Variants in MYT1L observed in about 807,000 individuals in gnomAD.
MYT1L encodes the protein myelin transcription factor 1 like.
A neutral mutation model predicts 126.7 loss-of-function variants in MYT1L; 12 were observed. That is an observed-to-expected ratio of 0.09 (90% CI 0.06 to 0.15). MYT1L has a LOEUF of 0.15. MYT1L is among the 10% of genes least tolerant of loss of function. MYT1L has a pLI of 1.00. For missense variants in MYT1L, 979 were observed against 1,585.2 expected (o/e 0.62, Z 6.49); for synonymous variants, 541 against 604.2 (o/e 0.90, Z 1.53).
intron 2 of MYT1L, among the ~76,000 whole-genome samples, chr2:2,279,785 C>A (rs752661723): frequency 1.3e-5 from 2 of 152,142 alleles, no homozygotes; most frequent in Non-Finnish European, 2.9e-5. Flanking sequence ...TTAATGTATA[C>A]CCTCAAGCGG....
intron 5 of MYT1L, among the ~76,000 whole-genome samples, chr2:1,987,793 G>A (rs1332064823): frequency 6.6e-6 from 1 of 152,206 alleles, no homozygotes; most frequent in Non-Finnish European, 1.5e-5. Flanking sequence ...TCTGGGGTAT[G>A]TAATTGTTAC....
At chr2:1,795,326 G>C (rs1276277174) in intron 23 of MYT1L, among the ~76,000 whole-genome samples, 1 of 152,256 alleles carries the variant, frequency 6.6e-6, no homozygotes, top group Non-Finnish European at 1.5e-5. Context: ...GGGGCCCAGA[G>C]TAAAGGGGAG....
At position 1,910,530 on chromosome 2, in the gene MYT1L, T is replaced by A. The variant is rs1015925362; in HGVS notation, c.1710-183A>T. Among the ~76,000 whole-genome samples the A allele has an allele frequency of 6.6e-6, 1 of 152,088 alleles. No individual in the cohort carries two copies. The highest frequency in any genetic ancestry group is 1.5e-5 in the Non-Finnish European group (1 of 68,028). ...AGGGGGAGGTAGTCATGTTTCCAGG[T>A]GCATGCTTTCTGCTGGTCTCCAGCA... is the stretch of plus-strand genomic sequence containing the variant. On this transcript the variant is annotated intron_variant, in intron 12 of 24. Coordinates refer to ENST00000647738, the MANE Select transcript of MYT1L (RefSeq NM_001303052.2). The surrounding 1 kb of genome is among the most constrained non-coding windows in gnomAD (Gnocchi z 4.8).
At chr2:2,164,966 C>T (rs923350079) in intron 3 of MYT1L, among the ~76,000 whole-genome samples, 6 of 152,168 alleles carry the variant, frequency 3.9e-5, no homozygotes, top group African/African-American at 1.4e-4. Flanking sequence ...CCAATAAACA[C>T]TTTGGCTTAG....
intron 3 of MYT1L, among the ~76,000 whole-genome samples, chr2:2,144,191 G>C (rs1310928110): frequency 6.6e-6 from 1 of 152,164 alleles, no homozygotes; most frequent in Non-Finnish European, 1.5e-5. Context: ...TAGGCCGTCA[G>C]GTGGGGGTGG....
intron 1 of MYT1L, among the ~76,000 whole-genome samples, chr2:2,297,954 A>G (rs2095720691): frequency 6.6e-6 from 1 of 152,216 alleles, no homozygotes; most frequent in African/African-American, 2.4e-5. Flanking sequence ...AAAGTTACAC[A>G]ACGAGGACCT....
At chr2:2,066,756 A>G (rs1000337222) in intron 3 of MYT1L, among the ~76,000 whole-genome samples, 2 of 152,218 alleles carry the variant, frequency 1.3e-5, no homozygotes, top group African/African-American at 4.8e-5. Flanking sequence ...CCTCAGAAGA[A>G]CTGACCAAGA....
intron 22 of MYT1L, among the ~76,000 whole-genome samples, chr2:1,804,933 C>T (rs1011638508): frequency 6.6e-6 from 1 of 152,188 alleles, no homozygotes; most frequent in Non-Finnish European, 1.5e-5. Context: ...TTATTTCCTT[C>T]TCTCCTAAAC....
intron 18 of MYT1L, among the ~76,000 whole-genome samples, chr2:1,866,706 G>GGA (rs1386691968): frequency 1.1e-5 from 1 of 91,032 alleles, no homozygotes; most frequent in Non-Finnish European, 2.2e-5. Context: ...GGAGAGGGAG[G>GGA]GAGAGAGAGA....
Position 1,818,154 on chromosome 2 carries a change from A to G in MYT1L, c.3081-8987T>C, listed in dbSNP as rs535856629. On this transcript the variant is annotated intron_variant, in intron 21 of 24. Coordinates refer to ENST00000647738, the MANE Select transcript of MYT1L (RefSeq NM_001303052.2). ...GAACATTACAGTTGGAAATAACTAA[A>G]TAAGTGAAACTTTCGAAGGGGGATA... Among the ~76,000 whole-genome samples the G allele has an allele frequency of 6.0e-4, 91 of 152,218 alleles. 1 individual carries two copies. Among genetic ancestry groups the G allele is most frequent in the African/African-American group, 1.9e-3 (80 of 41,452 alleles).
chr2:2,133,189 G>A (rs985396075), intron 3 of MYT1L, among the ~76,000 whole-genome samples: 1 of 152,146 alleles, frequency 6.6e-6, no homozygotes, highest in African/African-American at 2.4e-5. Flanking sequence ...ACTTTTAAAA[G>A]TTTAGGAAGA....
chr2:2,040,619 T>C (rs1469578031), intron 4 of MYT1L, among the ~76,000 whole-genome samples: 1 of 152,204 alleles, frequency 6.6e-6, no homozygotes, highest in African/African-American at 2.4e-5. Context: ...GAAATTGAAA[T>C]ATGCCCTTAT....
chr2:1,974,893 T>C (rs956986291), intron 8 of MYT1L: 1 of 152,226 alleles, frequency 6.6e-6, no homozygotes, highest in African/African-American at 2.4e-5. Flanking sequence ...CCATTGTAGT[T>C]GTACATAGGC....
chr2:2,248,023 T>C (rs1325085425), intron 2 of MYT1L, among the ~76,000 whole-genome samples: 1 of 150,702 alleles, frequency 6.6e-6, no homozygotes, highest in Non-Finnish European at 1.5e-5. Context: ...TAGAAGAAAA[T>C]AAATAATAAA....
At chr2:2,008,418 C>T (rs978278222) in intron 4 of MYT1L, among the ~76,000 whole-genome samples, 3 of 152,208 alleles carry the variant, frequency 2.0e-5, no homozygotes, top group Admixed American at 1.3e-4. Flanking sequence ...CTTTATTTTG[C>T]GTTTCCCATT....
chr2:1,852,469 C>A lies in MYT1L; in HGVS notation c.2712-766G>T, dbSNP rs1036880658. Among the ~76,000 whole-genome samples the A allele has an allele frequency of 6.6e-6, 1 of 152,122 alleles. No homozygotes were observed. Among genetic ancestry groups the A allele is most frequent in the Non-Finnish European group, 1.5e-5 (1 of 68,028 alleles). ...TTTCTTAATTAAGGTCTTGCTATTT[C>A]TCTAATCAGAGACTTTTTTTAAGAA... On this transcript the variant is annotated intron_variant, in intron 18 of 24. Transcript: ENST00000647738. The surrounding 1 kb of genome is among the most constrained non-coding windows in gnomAD (Gnocchi z 4.0).
At chr2:1,832,984 G>A (rs2040386704) in intron 21 of MYT1L, among the ~76,000 whole-genome samples, 1 of 152,202 alleles carries the variant, frequency 6.6e-6, no homozygotes, top group Admixed American at 6.5e-5. Context: ...GATCATCGGT[G>A]CTGGTGGAGG....
chr2:2,088,860 A>T (rs2076618267), intron 3 of MYT1L, among the ~76,000 whole-genome samples: 1 of 152,220 alleles, frequency 6.6e-6, no homozygotes, highest in Admixed American at 6.5e-5. Context: ...ATTTTTTAAA[A>T]TCAAACCATA....
chr2:1,892,097 C>T lies in MYT1L; in HGVS notation c.2223G>A (p.Thr741=), dbSNP rs1337370552. Reference sequence around the variant, plus strand: ...GGTTCTGCGGCATCTCGCGGCAGCGCGTGGACAGGTTGAGGATGGCGGTGG... The same window carrying T: ...GGTTCTGCGGCATCTCGCGGCAGCGTGTGGACAGGTTGAGGATGGCGGTGG... ...MAATAILNLS[T]RCREMPQNLS... The change falls in exon 15 of 25, where the codon ACG becomes ACA. Residue 741 remains threonine, a synonymous_variant. Coordinates refer to ENST00000647738, the MANE Select transcript of MYT1L (RefSeq NM_001303052.2). 3 of 1,544,568 alleles carry T rather than the reference C, an allele frequency of 1.9e-6. No homozygotes were observed. In the African/African-American group the frequency reaches 4.1e-5, roughly 21 times the overall value.
Sources: allele counts gnomAD v4.1 joint callset (sites outside exome capture counted in the v4.1 genomes callset), GRCh38; gene constraint gnomAD v4.1.1; non-coding constraint Gnocchi (gnomAD v3.1); transcripts MANE v1.5; gene names NCBI Gene and HGNC (gene_info 2026-07-23, HGNC 2026-07-21).